CLIP2: variants seen among roughly 807,000 people sequenced by gnomAD.
The protein encoded by CLIP2 is CAP-Gly domain containing linker protein 2.
CLIP2 carries 41 observed loss-of-function variants against 111.7 expected under a neutral mutation model. The observed-to-expected ratio is 0.37, with a 90% CI of 0.29 to 0.48. The LOEUF is 0.48. Among genes scored for constraint, CLIP2 ranks in the 20% least tolerant of loss-of-function variants. CLIP2 has a pLI of 0.99. For missense variants in CLIP2, 1,160 were observed against 1,422.1 expected (o/e 0.82, Z 2.96); for synonymous variants, 660 against 644.2 (o/e 1.02, Z -0.37).
At chr7:74,325,797 A>G (rs1179133364) in intron 2 of CLIP2, among the ~76,000 whole-genome samples, 1 of 151,966 alleles carries the variant, frequency 6.6e-6, no homozygotes, top group Non-Finnish European at 1.5e-5. Flanking sequence ...ACGCCATTGC[A>G]CTTCAGCCTG....
chr7:74,373,226 G>A (rs782768607), intron 9 of CLIP2, among the ~76,000 whole-genome samples, 190 bp downstream of exon 9: 3 of 152,062 alleles, frequency 2.0e-5, no homozygotes, highest in African/African-American at 4.8e-5. Context: ...GGCCGGGTGC[G>A]GTGGCTCACG....
At chr7:74,347,814 A>C (rs1314200102) in intron 3 of CLIP2, among the ~76,000 whole-genome samples, 1 of 152,242 alleles carries the variant, frequency 6.6e-6, no homozygotes, top group Non-Finnish European at 1.5e-5. Context: ...GAAATGAAAA[A>C]TATCACAGAA....
At chr7:74,299,493 T>C (rs1182187520) in intron 1 of CLIP2, among the ~76,000 whole-genome samples, 1 of 152,182 alleles carries the variant, frequency 6.6e-6, no homozygotes, top group Non-Finnish European at 1.5e-5. Context: ...CAGGTGCTCA[T>C]GGCCTGCTGG....
intron 1 of CLIP2, among the ~76,000 whole-genome samples, chr7:74,307,501 G>T (rs567772333): frequency 1.5e-4 from 23 of 152,140 alleles, no homozygotes; most frequent in African/African-American, 4.8e-4. Context: ...TTTGTTTTTG[G>T]TTTTGTTTTG....
At chr7:74,299,366 A>G (rs1788259847) in intron 1 of CLIP2, among the ~76,000 whole-genome samples, 1 of 141,794 alleles carries the variant, frequency 7.1e-6, no homozygotes, top group Non-Finnish European at 1.6e-5. Context: ...TAAATAAATA[A>G]AGGCCCTGCC....
At chr7:74,305,706 C>A (rs182781079) in intron 1 of CLIP2, among the ~76,000 whole-genome samples, 10 of 152,250 alleles carry the variant, frequency 6.6e-5, no homozygotes, top group Admixed American at 5.2e-4. Context: ...GTTGCCCAGG[C>A]TGGTCTTGAA....
At chr7:74,400,124 T>A (rs1791577678) in intron 14 of CLIP2, among the ~76,000 whole-genome samples, 1 of 136,364 alleles carries the variant, frequency 7.3e-6, no homozygotes, top group African/African-American at 2.9e-5. Context: ...CACTCCAGCC[T>A]AGGTGATAGA....
Position 74,357,396 on chromosome 7 carries a change from A to G in CLIP2, c.1134A>G (p.Glu378=), listed in dbSNP as rs1480906980. The part of the protein sequence containing the change: ...IEQLLAERDL[E]RAEVAKATSH... ...AGCTGCTGGCTGAACGAGACCTGGAACGGGCTGAGGTGGCCAAGGCCACAA... is the reference window on the plus strand; with the variant it reads ...AGCTGCTGGCTGAACGAGACCTGGAGCGGGCTGAGGTGGCCAAGGCCACAA... Residue 378 remains glutamate, a synonymous_variant, in exon 6 of 17, where the codon GAA becomes GAG. Coordinates refer to ENST00000223398, the MANE Select transcript of CLIP2 (RefSeq NM_003388.5). 2.5e-6 allele frequency: 4 copies of G among 1,613,540 alleles called. No homozygotes were observed. Among genetic ancestry groups the G allele is most frequent in the Non-Finnish European group, 3.4e-6 (4 of 1,179,912 alleles).
intron 3 of CLIP2, among the ~76,000 whole-genome samples, chr7:74,341,856 G>A (rs116782349): frequency 5.3e-5 from 8 of 152,278 alleles, no homozygotes; most frequent in African/African-American, 1.7e-4. Flanking sequence ...GCCATCTCCA[G>A]CTTACAGGAG....
intron 7 of CLIP2, among the ~76,000 whole-genome samples, chr7:74,361,168 C>CT (rs1562709895): frequency 9.5e-5 from 11 of 115,430 alleles, no homozygotes; most frequent in South Asian, 3.1e-4. Context: ...CCCTCCCTCC[C>CT]TCCCTTCTTT....
chr7:74,374,716 A>G (rs1365239361), intron 9 of CLIP2, among the ~76,000 whole-genome samples: 2 of 152,094 alleles, frequency 1.3e-5, no homozygotes, highest in Non-Finnish European at 2.9e-5. Flanking sequence ...GTGAGACTCC[A>G]TCTCGAAAAA....
chr7:74,343,060 C>T (rs1364805651), intron 3 of CLIP2, among the ~76,000 whole-genome samples: 9 of 148,960 alleles, frequency 6.0e-5, no homozygotes, highest in Admixed American at 2.0e-4. Flanking sequence ...TGGTGACGGG[C>T]GCCTGTAATC....
chr7:74,392,267 C>T (rs1411096502), intron 13 of CLIP2, among the ~76,000 whole-genome samples: 1 of 151,248 alleles, frequency 6.6e-6, no homozygotes, highest in Non-Finnish European at 1.5e-5. Context: ...AGGAGAATGG[C>T]GTGAACCTAG....
chr7:74,386,458 C>G, intron 11 of CLIP2, 63 bp from the exon 12 acceptor site: 2 of 1,386,018 alleles, frequency 1.4e-6, no homozygotes, highest in Non-Finnish European at 2.0e-6. Flanking sequence ...AGGGCCATGG[C>G]CCTACCCACT....
intron 1 of CLIP2, among the ~76,000 whole-genome samples, chr7:74,313,152 C>T (rs1403173104): frequency 1.3e-5 from 2 of 151,524 alleles, no homozygotes; most frequent in African/African-American, 2.4e-5. Flanking sequence ...CCTGTCTCTA[C>T]AAAAAACTTG....
rs191010344 is a variant in CLIP2 at position 74,347,316 on chromosome 7, T to A, written c.679-6564T>A. 4.6e-5 allele frequency among the ~76,000 whole-genome samples: 7 copies of A among 152,302 alleles called. No individual in the cohort carries two copies. In the South Asian group the frequency reaches 6.2e-4, roughly 14 times the overall value. On this transcript the variant is annotated intron_variant, in intron 3 of 16. Transcript: ENST00000223398. The stretch of plus-strand genomic sequence containing the variant: ...TGGAGTCTCACTCTGTCGCCTAGGC[T>A]GGAGTGCAGTGGTGCGACCTCAGCT...
intron 1 of CLIP2, among the ~76,000 whole-genome samples, chr7:74,293,152 C>A (rs183721469): frequency 1.3e-5 from 2 of 152,276 alleles, no homozygotes; most frequent in African/African-American, 4.8e-5. Flanking sequence ...GATCCCATAC[C>A]TTTGGGATTA....
intron 2 of CLIP2, among the ~76,000 whole-genome samples, chr7:74,318,162 G>A (rs1417126249): frequency 6.6e-6 from 1 of 151,800 alleles, no homozygotes; most frequent in Non-Finnish European, 1.5e-5. Context: ...AAAAAAAGAG[G>A]GAAGAGTATT....
At position 74,376,513 on chromosome 7, in the gene CLIP2, G is replaced by T; in HGVS notation, c.2112G>T (p.Arg704=). ...TGGCTGGGCTGCAGCGGCACTGGCGGGCCCAGCTGGAGGTGCAAGCCAGCC... is the reference window on the plus strand; with the variant it reads ...TGGCTGGGCTGCAGCGGCACTGGCGTGCCCAGCTGGAGGTGCAAGCCAGCC... ...EELAGLQRHW[R]AQLEVQASQH... is the part of the protein sequence containing the mutation. The change falls in exon 10 of 17, where the codon CGG becomes CGT. Residue 704 remains arginine (R), a synonymous_variant. Transcript: ENST00000223398. The surrounding 1 kb of genome is among the most constrained non-coding windows in gnomAD (Gnocchi z 7.1). 1.2e-6 allele frequency: 2 copies of T among 1,604,552 alleles called. No individual in the cohort carries two copies. The highest frequency in any genetic ancestry group is 1.7e-6 in the Non-Finnish European group (2 of 1,176,666).
Sources: gnomAD v4.1 joint callset for allele counts (sites outside exome capture counted in the v4.1 genomes callset) on GRCh38, gnomAD v4.1.1 for gene constraint, Gnocchi (gnomAD v3.1) non-coding constraint, MANE v1.5 for transcripts, NCBI Gene and HGNC (gene_info 2026-07-23, HGNC 2026-07-21) for gene names.